Variants in C1orf21 observed in about 807,000 individuals in gnomAD.
C1orf21 encodes the protein uncharacterized protein C1orf21.
C1orf21 carries 3 observed loss-of-function variants against 18.7 expected under a neutral mutation model. The observed-to-expected ratio is 0.16, with a 90% CI of 0.07 to 0.42. The LOEUF (loss-of-function observed/expected upper bound fraction) is 0.42, where lower values mean the gene tolerates loss of function less well. C1orf21 is among the 10% of genes least tolerant of loss of function. C1orf21 has a pLI of 0.99. For missense variants in C1orf21, 104 were observed against 143.6 expected, an observed-to-expected ratio of 0.72 and a Z score of 1.41; for synonymous variants, 41 against 46.4, an observed-to-expected ratio of 0.88 and a Z score of 0.47.
Position 184,619,581 on chromosome 1 carries a change from G to T in C1orf21, c.*25G>T, listed in dbSNP as rs777041732. The T allele has an allele frequency of 6.2e-7, 1 of 1,610,702 alleles. No homozygotes were observed. Among genetic ancestry groups the T allele is most frequent in the Non-Finnish European group, 8.5e-7 (1 of 1,177,700 alleles). On this transcript the variant is annotated 3_prime_UTR_variant, in exon 6 of 6. Coordinates refer to ENST00000235307, the MANE Select transcript of C1orf21 (RefSeq NM_030806.4). The stretch of plus-strand genomic sequence containing the variant: ...GCACCAATTTTACCACTCAAACCAG[G>T]AGCTACTACTGTGTAAATAGGTTAC...
chr1:184,407,291 T>G (rs1367563845), intron 1 of C1orf21, among the ~76,000 whole-genome samples: 1 of 152,088 alleles, frequency 6.6e-6, no homozygotes, highest in Admixed American at 6.5e-5. Context: ...CCAACCCCAA[T>G]TTTTCTGTGG....
At chr1:184,574,922 T>C (rs1036562762) in intron 3 of C1orf21, among the ~76,000 whole-genome samples, 1 of 152,100 alleles carries the variant, frequency 6.6e-6, no homozygotes, top group African/African-American at 2.4e-5. Flanking sequence ...TCAGCTCGGG[T>C]GTCTTAGGGG....
chr1:184,505,700 T>C (rs1571390122), intron 2 of C1orf21, among the ~76,000 whole-genome samples: 2 of 149,318 alleles, frequency 1.3e-5, no homozygotes, highest in East Asian at 2.0e-4. Context: ...GAGGCGGAGG[T>C]TGCAGTGAGC....
intron 2 of C1orf21, among the ~76,000 whole-genome samples, chr1:184,482,581 T>C (rs1247628619): frequency 6.6e-6 from 1 of 152,178 alleles, no homozygotes; most frequent in East Asian, 1.9e-4. Context: ...ACCCCTCTGT[T>C]TTTCACCGAA....
At chr1:184,591,426 G>A (rs1385737150) in intron 4 of C1orf21, among the ~76,000 whole-genome samples, 2 of 152,190 alleles carry the variant, frequency 1.3e-5, no homozygotes, top group African/African-American at 4.8e-5. Flanking sequence ...CACAAAGGAT[G>A]TAGTTCTTAA....
chr1:184,421,390 T>G (rs1656545598), intron 1 of C1orf21, among the ~76,000 whole-genome samples: 3 of 152,222 alleles, frequency 2.0e-5, no homozygotes, highest in South Asian at 4.1e-4. Flanking sequence ...GAGCCGCCAT[T>G]CTCAGCTTTG....
intron 2 of C1orf21, among the ~76,000 whole-genome samples, chr1:184,491,953 G>A (rs778796521): frequency 1.3e-5 from 2 of 152,198 alleles, no homozygotes; most frequent in Non-Finnish European, 2.9e-5. Flanking sequence ...GGAAGAGAAG[G>A]AATCAGAAGC....
At chr1:184,542,106 G>T (rs964632255) in intron 3 of C1orf21, among the ~76,000 whole-genome samples, 5 of 152,154 alleles carry the variant, frequency 3.3e-5, no homozygotes, top group African/African-American at 1.2e-4. Flanking sequence ...AACTTGTTGG[G>T]AAGATCATCA....
chr1:184,613,017 C>A (rs1659762354), intron 5 of C1orf21, among the ~76,000 whole-genome samples: 1 of 152,050 alleles, frequency 6.6e-6, no homozygotes, highest in African/African-American at 2.4e-5. Flanking sequence ...GTGGCACGAT[C>A]TTGACTCACT....
intron 1 of C1orf21, among the ~76,000 whole-genome samples, chr1:184,410,942 G>A (rs983819117): frequency 1.2e-4 from 18 of 151,450 alleles, no homozygotes; most frequent in African/African-American, 2.9e-4. Context: ...GTGAGCCACC[G>A]CGCCTGGCCT....
chr1:184,580,298 G>A (rs1005042445), intron 3 of C1orf21, among the ~76,000 whole-genome samples: 4 of 152,174 alleles, frequency 2.6e-5, no homozygotes, highest in African/African-American at 9.7e-5. Context: ...TGCAGATCAG[G>A]TTCTCGATCT....
intron 4 of C1orf21, among the ~76,000 whole-genome samples, chr1:184,594,942 A>C (rs1329703746): frequency 6.6e-6 from 1 of 152,194 alleles, no homozygotes; most frequent in Non-Finnish European, 1.5e-5. Context: ...CATTTTGCCC[A>C]CCATTCATTA....
intron 2 of C1orf21, among the ~76,000 whole-genome samples, chr1:184,487,264 T>G (rs1657746592): frequency 6.6e-6 from 1 of 152,214 alleles, no homozygotes; most frequent in African/African-American, 2.4e-5. Context: ...CTGGGCCTCA[T>G]TAGGCCCTGG....
intron 3 of C1orf21, among the ~76,000 whole-genome samples, chr1:184,535,460 C>G (rs1238370883): frequency 6.6e-6 from 1 of 152,196 alleles, no homozygotes; most frequent in South Asian, 2.1e-4. Flanking sequence ...TTTTTGTGCT[C>G]TCTGAAACAA....
At chr1:184,544,597 G>A (rs901838914) in intron 3 of C1orf21, among the ~76,000 whole-genome samples, 7 of 152,270 alleles carry the variant, frequency 4.6e-5, no homozygotes, top group African/African-American at 1.2e-4. Flanking sequence ...ATTGATCTAC[G>A]TAGTCTACTG....
At chr1:184,518,447 G>T (rs6700026) in intron 3 of C1orf21, among the ~76,000 whole-genome samples, 25,155 of 152,114 alleles carry the variant, frequency 0.17, 2,400 homozygotes, top group Admixed American at 0.29. Context: ...TGTGGGTGTA[G>T]GTAAGAGTTA....
At chr1:184,509,402 G>C (rs904849027) in intron 3 of C1orf21, among the ~76,000 whole-genome samples, 1 of 152,088 alleles carries the variant, frequency 6.6e-6, no homozygotes, top group Admixed American at 6.6e-5. Flanking sequence ...GACAAGCCTC[G>C]CCCCTTTGCT....
At chr1:184,486,756 G>C (rs187789055) in intron 2 of C1orf21, among the ~76,000 whole-genome samples, 1 of 152,310 alleles carries the variant, frequency 6.6e-6, no homozygotes, top group East Asian at 1.9e-4. Context: ...TCATGAGCCT[G>C]TTCTTTTGAA....
rs192797572 is a variant in C1orf21 at position 184,591,478 on chromosome 1, C to T, written c.266+663C>T. On this transcript the variant is annotated intron_variant, in intron 4 of 5. Coordinates refer to ENST00000235307, the MANE Select transcript of C1orf21 (RefSeq NM_030806.4). ...ATATGACTGCACTAAAATTAAGAAG[C>T]TCTTAAAGCTCTTAAAGGTAAAACC... Among the ~76,000 whole-genome samples the T allele has an allele frequency of 7.0e-4, 106 of 152,258 alleles. 1 individual carries two copies. Among genetic ancestry groups the T allele is most frequent in the African/African-American group, 2.3e-3 (95 of 41,554 alleles).
Sources: allele counts gnomAD v4.1 joint callset (sites outside exome capture counted in the v4.1 genomes callset), GRCh38; gene constraint gnomAD v4.1.1; transcripts MANE v1.5; gene names NCBI Gene and HGNC (gene_info 2026-07-23, HGNC 2026-07-21).